The following PTCHD4 variants were observed in gnomAD, a reference collection of about 807,000 sequenced individuals.
PTCHD4 encodes patched domain-containing protein 4.
Under a neutral mutation model 58.1 loss-of-function variants are expected in PTCHD4, and 33 were observed. That is an observed-to-expected ratio of 0.57 (90% CI 0.43 to 0.76). PTCHD4 has a LOEUF of 0.76. Ranked by LOEUF, PTCHD4 falls within the 30% of genes least tolerant of loss-of-function variation. The pLI, the probability that PTCHD4 is intolerant of heterozygous loss-of-function variation, is 0.00. For synonymous variants in PTCHD4, 478 were observed against 409.6 expected, an observed-to-expected ratio of 1.17 and a Z score of -2.02; for missense variants, 1,058 against 1,027.1, an observed-to-expected ratio of 1.03 and a Z score of -0.41.
At chr6:48,030,613 A>G (rs1420700396) in intron 3 of PTCHD4, among the ~76,000 whole-genome samples, 4 of 152,132 alleles carry the variant, frequency 2.6e-5, no homozygotes, top group Non-Finnish European at 2.9e-5. Flanking sequence ...GGCCACTCAG[A>G]ACATTCACCA....
chr6:48,057,179 T>C (rs1055652564), intron 3 of PTCHD4, among the ~76,000 whole-genome samples: 2 of 113,668 alleles, frequency 1.8e-5, no homozygotes, highest in South Asian at 5.7e-4. Flanking sequence ...CGGTTTTTTT[T>C]GTTTTTTTTT....
At chr6:47,924,620 T>G (rs774620720) in intron 4 of PTCHD4, among the ~76,000 whole-genome samples, 18 of 152,160 alleles carry the variant, frequency 1.2e-4, no homozygotes, top group Non-Finnish European at 2.6e-4. Context: ...CTTAGCACAG[T>G]GCCCCACTCA....
At chr6:47,955,109 C>T (rs1016151266) in intron 4 of PTCHD4, among the ~76,000 whole-genome samples, 3 of 152,178 alleles carry the variant, frequency 2.0e-5, no homozygotes, top group Non-Finnish European at 4.4e-5. Context: ...TTAAGGGATA[C>T]TCACATTGCA....
intron 4 of PTCHD4, among the ~76,000 whole-genome samples, chr6:47,937,788 C>T (rs987762998): frequency 2.0e-5 from 3 of 152,172 alleles, no homozygotes; most frequent in South Asian, 2.1e-4. Flanking sequence ...AGAGAGGGGA[C>T]CTGCAATGGA....
In PTCHD4 at chr6:47,872,854, T is replaced by C. The variant is rs777509128; in HGVS notation, c.*5449A>G. Among the ~76,000 whole-genome samples, 3 of 151,662 alleles carry C rather than the reference T, an allele frequency of 2.0e-5. No individual in the cohort carries two copies. The highest frequency in any genetic ancestry group is 6.6e-5 in the Admixed American group (1 of 15,176). On this transcript the variant is annotated 3_prime_UTR_variant, in exon 5 of 5. Coordinates refer to ENST00000339488, the MANE Select transcript of PTCHD4 (RefSeq NM_001384253.1). ...TACTATAAATATATTCTTAACCCTA[T>C]ATATTGCTCTTTTGAGTTGTTTTCC... is the stretch of plus-strand genomic sequence containing the variant.
At chr6:48,081,619 C>T (rs1765168953) in intron 1 of PTCHD4, among the ~76,000 whole-genome samples, 1 of 152,164 alleles carries the variant, frequency 6.6e-6, no homozygotes, top group Non-Finnish European at 1.5e-5. Context: ...ATTAAATGTG[C>T]TTCTTGCCTT....
chr6:48,001,740 A>G (rs1258317677), intron 4 of PTCHD4, among the ~76,000 whole-genome samples: 1 of 152,242 alleles, frequency 6.6e-6, no homozygotes, highest in Non-Finnish European at 1.5e-5. Flanking sequence ...AATGGCAACA[A>G]AAGCCAAAAT....
chr6:47,931,810 G>T (rs1483812350), intron 4 of PTCHD4, among the ~76,000 whole-genome samples: 3 of 151,684 alleles, frequency 2.0e-5, no homozygotes, highest in African/African-American at 4.8e-5. Context: ...TCTCTTAGGG[G>T]CCACGAAGTT....
chr6:48,019,570 A>G (rs1167011504), intron 3 of PTCHD4, among the ~76,000 whole-genome samples: 1 of 152,068 alleles, frequency 6.6e-6, no homozygotes, highest in Non-Finnish European at 1.5e-5. Context: ...CCCTTTCTCT[A>G]CTAAAAATAC....
In PTCHD4 at chr6:47,863,397, G is replaced by A. The variant is rs1763479320; in HGVS notation, c.*14906C>T. Among the ~76,000 whole-genome samples, 1 of 151,826 alleles carries A rather than the reference G, an allele frequency of 6.6e-6. No individual in the cohort carries two copies. Among genetic ancestry groups the A allele is most frequent in the Non-Finnish European group, 1.5e-5 (1 of 67,886 alleles). On this transcript the variant is annotated 3_prime_UTR_variant, in exon 5 of 5. Coordinates refer to ENST00000339488, the MANE Select transcript of PTCHD4 (RefSeq NM_001384253.1). ...ACTTGCATATCCCACATGAAAAATAGTACTTTACTATTATTTGGCCTAATA... is the reference window on the plus strand; with the variant it reads ...ACTTGCATATCCCACATGAAAAATAATACTTTACTATTATTTGGCCTAATA...
At chr6:48,018,874 GCAAATCC>G (rs1024100782) in intron 3 of PTCHD4, among the ~76,000 whole-genome samples, 34 of 152,302 alleles carry the variant, frequency 2.2e-4, no homozygotes, top group African/African-American at 7.0e-4. Context: ...GAGGAAAGCA[GCAAATCC>G]CTATGTATAA....
chr6:47,932,127 C>T (rs1765844445), intron 4 of PTCHD4, among the ~76,000 whole-genome samples: 1 of 152,192 alleles, frequency 6.6e-6, no homozygotes, highest in Non-Finnish European at 1.5e-5. Context: ...CTCTGCTCTC[C>T]ACTGAAGAAT....
intron 4 of PTCHD4, among the ~76,000 whole-genome samples, chr6:47,895,093 C>T (rs1405857236): frequency 6.6e-6 from 1 of 152,006 alleles, no homozygotes; most frequent in African/African-American, 2.4e-5. Context: ...TGAGATTGTG[C>T]CACTCCACTC....
chr6:47,938,369 A>G (rs1028065676), intron 4 of PTCHD4, among the ~76,000 whole-genome samples: 1 of 152,156 alleles, frequency 6.6e-6, no homozygotes, highest in African/African-American at 2.4e-5. Flanking sequence ...TTGTTGGTCT[A>G]TAGAACACCT....
intron 4 of PTCHD4, among the ~76,000 whole-genome samples, chr6:47,929,896 G>A (rs1381340051): frequency 4.6e-5 from 7 of 152,284 alleles, no homozygotes; most frequent in East Asian, 1.9e-4. Context: ...TTGGTGAATC[G>A]GAGACCATGC....
At chr6:48,103,180 T>C (rs919020363) in intron 1 of PTCHD4, among the ~76,000 whole-genome samples, 4 of 152,040 alleles carry the variant, frequency 2.6e-5, no homozygotes, top group Admixed American at 1.3e-4. Context: ...GACCCACGAG[T>C]AGCCTAACTG....
At chr6:47,977,713 TAAA>T (rs1561987488) in intron 4 of PTCHD4, among the ~76,000 whole-genome samples, 6 of 152,068 alleles carry the variant, frequency 3.9e-5, no homozygotes, top group Non-Finnish European at 5.9e-5. Context: ...TATATATTTA[TAAA>T]ATAATTAAAG....
chr6:47,923,998 G>A (rs1765516142), intron 4 of PTCHD4, among the ~76,000 whole-genome samples: 1 of 152,126 alleles, frequency 6.6e-6, no homozygotes, highest in Non-Finnish European at 1.5e-5. Flanking sequence ...AACTCTGGAT[G>A]GTCAGCACTC....
At chr6:48,052,836 A>G (rs1009589784) in intron 3 of PTCHD4, among the ~76,000 whole-genome samples, 1 of 152,070 alleles carries the variant, frequency 6.6e-6, no homozygotes, top group Non-Finnish European at 1.5e-5. Context: ...ATTAACTGAG[A>G]AAACATCCTT....
Sources: gnomAD v4.1 joint callset for allele counts (sites outside exome capture counted in the v4.1 genomes callset) on GRCh38, gnomAD v4.1.1 for gene constraint, MANE v1.5 for transcripts, NCBI Gene and HGNC (gene_info 2026-07-23, HGNC 2026-07-21) for gene names.